CCDC141: variants seen among roughly 807,000 people sequenced by gnomAD.
CCDC141 encodes coiled-coil domain containing 141, also known as coiled-coil domain-containing protein 141.
CCDC141 carries 168 observed loss-of-function variants against 181.0 expected under a neutral mutation model. The observed-to-expected ratio is 0.93, with a 90% CI of 0.82 to 1.05. The LOEUF (loss-of-function observed/expected upper bound fraction) is 1.05. CCDC141 is among the 50% of genes least tolerant of loss of function. CCDC141 has a pLI of 0.00. For missense variants in CCDC141, 1,902 were observed against 1,788.5 expected, an observed-to-expected ratio of 1.06 and a Z score of -1.14; for synonymous variants, 666 against 642.3, an observed-to-expected ratio of 1.04 and a Z score of -0.56.
intron 22 of CCDC141, among the ~76,000 whole-genome samples, chr2:178,842,305 A>G (rs1428039394): frequency 6.6e-6 from 1 of 152,200 alleles, no homozygotes; most frequent in Non-Finnish European, 1.5e-5. Flanking sequence ...CCTTCTAAAT[A>G]TATGAATGGC....
chr2:179,035,422 T>C (rs1187771278), intron 2 of CCDC141, among the ~76,000 whole-genome samples: 2 of 152,208 alleles, frequency 1.3e-5, no homozygotes, highest in Non-Finnish European at 2.9e-5. Flanking sequence ...ATTTGCACTC[T>C]GTTCCAGTTG....
chr2:179,013,338 T>C (rs1381380816), intron 2 of CCDC141, among the ~76,000 whole-genome samples: 1 of 151,870 alleles, frequency 6.6e-6, no homozygotes, highest in Non-Finnish European at 1.5e-5. Context: ...AAGCGGAGAA[T>C]CAAATCAAGA....
intron 2 of CCDC141, among the ~76,000 whole-genome samples, chr2:179,006,111 G>C (rs1399224490): frequency 1.3e-5 from 2 of 152,158 alleles, no homozygotes; most frequent in African/African-American, 2.4e-5. Context: ...CAGCTTCAAG[G>C]CTGAAACAAT....
chr2:178,990,476 T>A (rs1452155188), intron 2 of CCDC141, among the ~76,000 whole-genome samples: 1 of 149,422 alleles, frequency 6.7e-6, no homozygotes, highest in Non-Finnish European at 1.5e-5. Flanking sequence ...ATGTACTATA[T>A]CCATATGAAG....
intron 2 of CCDC141, among the ~76,000 whole-genome samples, chr2:179,000,537 T>C (rs923735497): frequency 1.3e-5 from 2 of 152,186 alleles, no homozygotes; most frequent in Non-Finnish European, 2.9e-5. Flanking sequence ...GTATTATGAG[T>C]CCTTTGTTTT....
rs1262194914 is a variant in CCDC141 at position 178,888,682 on chromosome 2, G to C, written c.1266-14C>G. The C allele has an allele frequency of 6.5e-7, 1 of 1,550,288 alleles. No individual in the cohort carries two copies. The highest frequency in any genetic ancestry group is 1.7e-4 in the Middle Eastern group (1 of 5,960). On this transcript the variant is annotated splice_polypyrimidine_tract_variant and intron_variant, in intron 8 of 23. Coordinates refer to ENST00000443758, the MANE Select transcript of CCDC141 (RefSeq NM_173648.4). Reference sequence around the variant, plus strand: ...GACACCTGAGAGCTGAACAGAGCAAGCCAGCTGTTAATTCACTCCACCCCA... The same window carrying C: ...GACACCTGAGAGCTGAACAGAGCAACCCAGCTGTTAATTCACTCCACCCCA...
intron 2 of CCDC141, among the ~76,000 whole-genome samples, chr2:179,036,118 A>G (rs1292875426): frequency 6.6e-6 from 1 of 152,208 alleles, no homozygotes; most frequent in Non-Finnish European, 1.5e-5. Context: ...CTCTGCTAAG[A>G]AGTCCAACCT....
the CCDC141 span, among the ~76,000 whole-genome samples, chr2:178,815,101 G>A: frequency 6.6e-6 from 1 of 152,260 alleles, no homozygotes; most frequent in East Asian, 1.9e-4. Context: ...AAGTCTTCAG[G>A]ACTGTGAGAA....
At position 179,041,049 on chromosome 2, in the gene CCDC141, T is replaced by C. The variant is rs547578138; in HGVS notation, c.225+6235A>G. Among the ~76,000 whole-genome samples, 3 of 151,052 alleles carry C rather than the reference T, an allele frequency of 2.0e-5. No individual in the cohort carries two copies. The East Asian group carries it at 5.8e-4, about 29-fold the overall frequency. ...CCTTTTCTCCAAATCCTCACCAGCT[T>C]CTGCTGTTGTTTTGTTTGTTTGTTT... On this transcript the variant is annotated intron_variant, in intron 2 of 23. Transcript: ENST00000443758.
chr2:178,977,973 A>G (rs111833328), intron 3 of CCDC141, among the ~76,000 whole-genome samples: 1 of 152,302 alleles, frequency 6.6e-6, no homozygotes, highest in African/African-American at 2.4e-5. Flanking sequence ...TGTTCAAACT[A>G]TGGAAAATCA....
chr2:178,841,898 G>A (rs1421366024), intron 22 of CCDC141, among the ~76,000 whole-genome samples: 2 of 152,204 alleles, frequency 1.3e-5, no homozygotes, highest in African/African-American at 4.8e-5. Flanking sequence ...CTCCCAAAGT[G>A]CTGGGGTTAC....
intron 5 of CCDC141, among the ~76,000 whole-genome samples, chr2:178,956,231 C>T (rs1690155442): frequency 6.6e-6 from 1 of 152,220 alleles, no homozygotes; most frequent in Non-Finnish European, 1.5e-5. Flanking sequence ...ACTCCAACCA[C>T]TGTCGCTGCT....
rs138131729 is a variant in CCDC141 at position 178,966,917 on chromosome 2, T to C, written c.527-5434A>G. On this transcript the variant is annotated intron_variant, in intron 4 of 23. Coordinates refer to ENST00000443758, the MANE Select transcript of CCDC141 (RefSeq NM_173648.4). ...GCAGAGAAGAATATAAATGACCTCA[T>C]GGAGCTGAAAAACACAGCAGGAGAA... Among the ~76,000 whole-genome samples the C allele has an allele frequency of 1.0e-3, 159 of 151,528 alleles. 1 individual carries two copies. Among genetic ancestry groups the C allele is most frequent in the African/African-American group, 3.6e-3 (147 of 41,382 alleles).
chr2:178,824,493 G>T, the CCDC141 span, among the ~76,000 whole-genome samples: 1 of 151,854 alleles, frequency 6.6e-6, no homozygotes, highest in African/African-American at 2.4e-5. Flanking sequence ...ATGGTGGTGT[G>T]CACCTGTGCC....
chr2:179,011,702 C>T (rs2042275051), intron 2 of CCDC141, among the ~76,000 whole-genome samples: 1 of 151,996 alleles, frequency 6.6e-6, no homozygotes. Flanking sequence ...GAACTTTATC[C>T]AAGATAGACC....
In CCDC141 at chr2:178,865,864, T is replaced by A; in HGVS notation, c.2627A>T (p.Glu876Val). 6.2e-7 allele frequency: 1 copy of A among 1,604,484 alleles called. No homozygotes were observed. Among genetic ancestry groups the A allele is most frequent in the South Asian group, 1.1e-5 (1 of 89,500 alleles). The change falls in exon 17 of 24, where the codon GAG becomes GTG. Residue 876 changes from glutamate to valine, a missense_variant. Transcript: ENST00000443758. Reference sequence around the variant, plus strand: ...GGCACGCCACTTCATGCTGTCCTCCTCAAGGAGCTCCAGCTGCTGCTGTAG... The same window carrying A: ...GGCACGCCACTTCATGCTGTCCTCCACAAGGAGCTCCAGCTGCTGCTGTAG... ...KNLQQQLELL[E>V]EDSMKWRAKA...
chr2:179,024,052 G>T (rs1237864398), intron 2 of CCDC141, among the ~76,000 whole-genome samples: 1 of 152,196 alleles, frequency 6.6e-6, no homozygotes, highest in African/African-American at 2.4e-5. Flanking sequence ...CAAAGCTCAG[G>T]AGGCCATAAT....
At chr2:178,871,894 C>T (rs1441213008) in intron 13 of CCDC141, among the ~76,000 whole-genome samples, 3 of 152,172 alleles carry the variant, frequency 2.0e-5, no homozygotes, top group Non-Finnish European at 4.4e-5. Context: ...CAAACAGAAA[C>T]TCTGTACCCA....
At chr2:178,818,524 T>C in the CCDC141 span, among the ~76,000 whole-genome samples, 2 of 152,122 alleles carry the variant, frequency 1.3e-5, no homozygotes, top group Non-Finnish European at 2.9e-5. Flanking sequence ...TGAGAACATG[T>C]GGTGTTTGGT....
Sources: allele counts gnomAD v4.1 joint callset (sites outside exome capture counted in the v4.1 genomes callset), GRCh38; gene constraint gnomAD v4.1.1; transcripts MANE v1.5; gene names NCBI Gene and HGNC (gene_info 2026-07-23, HGNC 2026-07-21).